The following POU2F1 variants were observed in gnomAD, a reference collection of about 807,000 sequenced individuals.
POU2F1 encodes the protein POU domain, class 2, transcription factor 1.
A neutral mutation model predicts 84.9 loss-of-function variants in POU2F1; 16 were observed. The ratio of observed to expected loss-of-function variants is 0.19; its 90% CI spans 0.13 to 0.29. POU2F1 has a LOEUF of 0.29. POU2F1 is among the 10% of genes least tolerant of loss of function. The probability of loss-of-function intolerance (pLI) is 1.00; values close to 1 mark genes in which losing one functional copy is unlikely to be tolerated. For synonymous variants in POU2F1, 368 were observed against 368.3 expected (o/e 1.00, Z 0.01); for missense variants, 738 against 942.6 (o/e 0.78, Z 2.84).
chr1:167,245,904 G>A (rs1312148198), intron 1 of POU2F1, among the ~76,000 whole-genome samples: 1 of 152,106 alleles, frequency 6.6e-6, no homozygotes, highest in African/African-American at 2.4e-5. Context: ...ATTGTTTATG[G>A]TAGTCATTCA....
rs192533578 is a variant in POU2F1 at position 167,410,484 on chromosome 1, G to A, written c.1556-1475G>A. On this transcript the variant is annotated intron_variant, in intron 13 of 15. Coordinates refer to ENST00000367866, the MANE Select transcript of POU2F1 (RefSeq NM_002697.4). The stretch of plus-strand genomic sequence containing the variant: ...AAAGAAGAGCATGTTCTGAAGCTTG[G>A]TAAAAGATTTCATCACCAAAAAATG... Among the ~76,000 whole-genome samples, 249 of 152,062 alleles carry A rather than the reference G, an allele frequency of 1.6e-3. 2 individuals carry two copies. The highest frequency in any genetic ancestry group is 3.7e-3 in the Admixed American group (56 of 15,288).
rs779526093 is a variant in POU2F1, at chr1:167,401,503, T to G, written c.1502T>G (p.Val501Gly). ...AGCAGTGCAGCAACTACCCTCACAGTCAGCCCTGTCCTCCCTCTGACCAGT... is the reference window on the plus strand; with the variant it reads ...AGCAGTGCAGCAACTACCCTCACAGGCAGCCCTGTCCTCCCTCTGACCAGT... ...VTSSAATTLT[V>G]SPVLPLTSAA... Residue 501 changes from valine to glycine, a missense_variant, in exon 13 of 16, where the codon GTC (valine) becomes GGC (glycine). Val to Gly is a moderately radical substitution (Grantham distance 109). This residue lies in a region of POU2F1 where 319 missense variants were observed against 386.0 expected (regional missense o/e 0.83). Coordinates refer to ENST00000367866, the MANE Select transcript of POU2F1 (RefSeq NM_002697.4). The G allele has an allele frequency of 6.2e-7, 1 of 1,613,414 alleles. No homozygotes were observed. Among genetic ancestry groups the G allele is most frequent in the South Asian group, 1.1e-5 (1 of 90,876 alleles).
Position 167,417,067 on chromosome 1 carries a change from C to T in POU2F1, c.*1257C>T, listed in dbSNP as rs907325339. 6.6e-6 allele frequency: 1 copy of T among 152,180 alleles called. No homozygotes were observed. Among genetic ancestry groups the T allele is most frequent in the African/African-American group, 2.4e-5 (1 of 41,454 alleles). The allele number at this position is 152,180 out of a possible 1,614,324, so 9.4% of individuals were successfully genotyped here. A position where few individuals can be genotyped will look rare whatever the true frequency, so the allele number is the denominator to read the frequency against. ...TCTTTTATTTTCTAAAGGAATTCTA[C>T]TAGACTATTTTCCATTGATAATATA... On this transcript the variant is annotated 3_prime_UTR_variant, in exon 16 of 16. Coordinates refer to ENST00000367866, the MANE Select transcript of POU2F1 (RefSeq NM_002697.4).
intron 1 of POU2F1, among the ~76,000 whole-genome samples, chr1:167,253,701 A>G (rs1650913903): frequency 1.3e-5 from 2 of 152,270 alleles, no homozygotes; most frequent in South Asian, 2.1e-4. Context: ...TGCTGGGATT[A>G]TAAGCCTGAG....
At chr1:167,333,992 G>A (rs541950924) in intron 2 of POU2F1, among the ~76,000 whole-genome samples, 2 of 132,082 alleles carry the variant, frequency 1.5e-5, no homozygotes, top group East Asian at 5.7e-4. Flanking sequence ...CTTCAAAGAA[G>A]AAACATACTT....
chr1:167,338,197 C>T, intron 2 of POU2F1: 1 of 468,172 alleles, frequency 2.1e-6, no homozygotes, highest in Non-Finnish European at 4.4e-6. Context: ...TCCTTCTCAG[C>T]CTACTCAGCA....
intron 1 of POU2F1, among the ~76,000 whole-genome samples, chr1:167,288,783 C>A (rs1033836926): frequency 1.1e-4 from 16 of 152,270 alleles, no homozygotes; most frequent in African/African-American, 3.9e-4. Flanking sequence ...CCCCTCCTTA[C>A]CAAGATCCTA....
At chr1:167,269,587 A>G (rs535755385) in intron 1 of POU2F1, among the ~76,000 whole-genome samples, 76 of 152,334 alleles carry the variant, frequency 5.0e-4, no homozygotes, top group African/African-American at 1.8e-3. Flanking sequence ...TATTGTTTTG[A>G]AATTAAAACT....
chr1:167,333,075 T>A (rs1657178421), intron 2 of POU2F1, among the ~76,000 whole-genome samples: 2 of 152,214 alleles, frequency 1.3e-5, no homozygotes, highest in East Asian at 1.9e-4. Context: ...GTTATGATAG[T>A]AAGTAGTTAT....
rs1230593690 is a variant in POU2F1 at position 167,310,622 on chromosome 1, ATG to A, written c.62-21846_62-21845del. Among the ~76,000 whole-genome samples the A allele has an allele frequency of 3.3e-5, 5 of 152,306 alleles. No individual in the cohort carries two copies. In the South Asian group the frequency reaches 1.0e-3, roughly 32 times the overall value. ...AGCAGAAATGTCCATGTACGTAAAA[ATG>A]TTTAATATAAAATGCCTAATAATCA... On this transcript the variant is annotated intron_variant, in intron 1 of 15. Coordinates refer to ENST00000367866, the MANE Select transcript of POU2F1 (RefSeq NM_002697.4).
At chr1:167,344,174 G>A (rs1421432481) in intron 2 of POU2F1, among the ~76,000 whole-genome samples, 1 of 152,076 alleles carries the variant, frequency 6.6e-6, no homozygotes, top group Non-Finnish European at 1.5e-5. Flanking sequence ...CTACCATATT[G>A]GCCAGTACAT....
At position 167,332,552 on chromosome 1, in the gene POU2F1, C is replaced by A. The variant is rs887132453; in HGVS notation, c.127+17C>A. The stretch of plus-strand genomic sequence containing the variant: ...GCAACACAGGTAAGAGTTTTCTGAT[C>A]TAGCTTTTTAATTAACTCTAGTAGA... On this transcript the variant is annotated intron_variant, in intron 2 of 15. Coordinates refer to ENST00000367866, the MANE Select transcript of POU2F1 (RefSeq NM_002697.4). 1.3e-6 allele frequency: 2 copies of A among 1,575,074 alleles called. No homozygotes were observed. The highest frequency in any genetic ancestry group is 1.7e-6 in the Non-Finnish European group (2 of 1,145,118).
chr1:167,247,529 A>G (rs900897692), intron 1 of POU2F1, among the ~76,000 whole-genome samples: 2 of 152,188 alleles, frequency 1.3e-5, no homozygotes, highest in Non-Finnish European at 2.9e-5. Flanking sequence ...GAAAATATCC[A>G]TCCCCACTTG....
At chr1:167,348,059 A>G (rs547550895) in intron 2 of POU2F1, among the ~76,000 whole-genome samples, 2 of 152,356 alleles carry the variant, frequency 1.3e-5, no homozygotes, top group Non-Finnish European at 2.9e-5. Context: ...ATAGTCATGC[A>G]TAACGTCAGG....
At chr1:167,348,978 T>C (rs947049848) in intron 2 of POU2F1, among the ~76,000 whole-genome samples, 19 of 152,180 alleles carry the variant, frequency 1.2e-4, no homozygotes, top group African/African-American at 4.6e-4. Context: ...TGCTTGTCTT[T>C]TGTATTACTT....
chr1:167,397,072 A>G (rs954929588), intron 10 of POU2F1, among the ~76,000 whole-genome samples: 5 of 152,162 alleles, frequency 3.3e-5, no homozygotes, highest in Non-Finnish European at 5.9e-5. Flanking sequence ...TTCAGTAGCT[A>G]TGGGTGAGGC....
chr1:167,286,444 A>C (rs1466798648), intron 1 of POU2F1, among the ~76,000 whole-genome samples: 3 of 152,160 alleles, frequency 2.0e-5, no homozygotes, highest in Admixed American at 2.0e-4. Flanking sequence ...GGTAGCCTTT[A>C]TTGTCTTAAA....
chr1:167,367,457 G>A (rs1659756694), intron 3 of POU2F1, among the ~76,000 whole-genome samples: 1 of 152,152 alleles, frequency 6.6e-6, no homozygotes, highest in South Asian at 2.1e-4. Flanking sequence ...AGACTACTGA[G>A]GAAGAAATGA....
Position 167,419,107 on chromosome 1 carries a change from C to T in POU2F1, c.*3297C>T, listed in dbSNP as rs561441245. 2.6e-5 allele frequency: 4 copies of T among 151,990 alleles called. No individual in the cohort carries two copies. Among genetic ancestry groups the T allele is most frequent in the South Asian group, 4.1e-4 (2 of 4,830 alleles). 9.4% of individuals were successfully genotyped at this position (151,990 alleles called of 1,614,324 possible). ...AACACCTTAGTCATTTTTTACTTTA[C>T]GTATATATTTTTTTATCATCTCAAG... On this transcript the variant is annotated 3_prime_UTR_variant, in exon 16 of 16. Transcript: ENST00000367866.
Sources: gnomAD v4.1 joint callset for allele counts (sites outside exome capture counted in the v4.1 genomes callset) on GRCh38, gnomAD v4.1.1 for gene constraint, gnomAD v4.1.1 regional missense constraint, MANE v1.5 for transcripts, NCBI Gene and HGNC (gene_info 2026-07-23, HGNC 2026-07-21) for gene names.